SHANK2: variants seen among roughly 807,000 people sequenced by gnomAD.
The protein encoded by SHANK2 is SH3 and multiple ankyrin repeat domains protein 2.
Under a neutral mutation model 133.7 loss-of-function variants are expected in SHANK2, and 43 were observed. The ratio of observed to expected loss-of-function variants is 0.32; its 90% CI spans 0.25 to 0.41. The LOEUF (loss-of-function observed/expected upper bound fraction) is 0.41, where lower values mean the gene tolerates loss of function less well. SHANK2 is among the 10% of genes least tolerant of loss of function. The probability of loss-of-function intolerance (pLI) is 1.00; values close to 1 mark genes in which losing one functional copy is unlikely to be tolerated. For synonymous variants in SHANK2, 1,017 were observed against 952.8 expected, an observed-to-expected ratio of 1.07 and a Z score of -1.24; for missense variants, 1,994 against 2,235.8, an observed-to-expected ratio of 0.89 and a Z score of 2.18.
intron 17 of SHANK2, among the ~76,000 whole-genome samples, chr11:70,643,299 C>A (rs183576259): frequency 6.6e-6 from 1 of 152,098 alleles, no homozygotes; most frequent in African/African-American, 2.4e-5. Flanking sequence ...TGCGGTGGCT[C>A]ACACCTGTAA....
At chr11:71,165,222 G>A (rs1181000044) in intron 2 of SHANK2, among the ~76,000 whole-genome samples, 1 of 151,810 alleles carries the variant, frequency 6.6e-6, no homozygotes, top group African/African-American at 2.4e-5. Context: ...TAGTAGAGAC[G>A]GGGGTCTCAC....
intron 8 of SHANK2, among the ~76,000 whole-genome samples, chr11:71,079,381 C>T (rs1024884137): frequency 1.4e-4 from 21 of 152,176 alleles, no homozygotes; most frequent in African/African-American, 2.7e-4. Context: ...GTGCTCTCCG[C>T]GTGGAGGGCA....
At chr11:70,715,148 G>A (rs1945881926) in intron 14 of SHANK2, among the ~76,000 whole-genome samples, 1 of 152,154 alleles carries the variant, frequency 6.6e-6, no homozygotes, top group African/African-American at 2.4e-5. Context: ...GAGGTGAGTG[G>A]TGCCCTGTAG....
Position 70,500,581 on chromosome 11 carries a change from C to T in SHANK2, c.2297G>A (p.Arg766Gln), listed in dbSNP as rs200084791. The change falls in exon 21 of 26, where the codon CGG becomes CAG. Residue 766 changes from arginine to glutamine, a missense_variant. Arg to Gln is a conservative substitution (Grantham distance 43). Around this residue, in one of 5 missense-constraint regions of SHANK2, gnomAD observed 488 missense variants for 642.6 expected, o/e 0.76. Transcript: ENST00000601538. This position sits in a 1 kb window ranked among gnomAD's most constrained non-coding sequence, Gnocchi z 4.5. ...TGGGCCTCCCTTACCCTTCTTCTTC[C>T]GGACCGAGGCTTGCAAACAGAAAGG... ...LEELVDKASV[R>Q]KKKDKPEEIV... 2.9e-5 allele frequency: 46 copies of T among 1,603,382 alleles called. No individual in the cohort carries two copies. The highest frequency in any genetic ancestry group is 1.3e-4 in the African/African-American group (10 of 74,896).
Position 70,900,605 on chromosome 11 carries a change from T to C in SHANK2, c.1108-4038A>G, listed in dbSNP as rs148606835. On this transcript the variant is annotated intron_variant, in intron 10 of 25. Transcript: ENST00000601538. ...CTTCCAAAGAAAAGCCCTAGGAGCT[T>C]AAGCCCAGGCACCTCCCTGCTGGTC... 7.6e-3 allele frequency among the ~76,000 whole-genome samples: 1,151 copies of C among 152,230 alleles called. 6 individuals carry two copies. The highest frequency in any genetic ancestry group is 0.012 in the Non-Finnish European group (832 of 68,014).
chr11:70,711,097 C>T (rs1320249209), intron 14 of SHANK2, among the ~76,000 whole-genome samples: 1 of 152,210 alleles, frequency 6.6e-6, no homozygotes, highest in Non-Finnish European at 1.5e-5. Context: ...TCTGAACTCT[C>T]ACTCTTCACT....
At chr11:71,096,126 T>C (rs146506174) in intron 6 of SHANK2, among the ~76,000 whole-genome samples, 1,548 of 152,232 alleles carry the variant, frequency 0.01, 55 homozygotes, top group Non-Finnish European at 7.0e-3. Flanking sequence ...CCTGTCTCCA[T>C]GTGAAAAGCA....
At chr11:71,150,677 A>C (rs1952779294) in intron 2 of SHANK2, among the ~76,000 whole-genome samples, 1 of 151,986 alleles carries the variant, frequency 6.6e-6, no homozygotes, top group Non-Finnish European at 1.5e-5. Flanking sequence ...CTTTGTAAGA[A>C]AGGCGCCATG....
chr11:70,848,361 C>T (rs1402752853), intron 11 of SHANK2, among the ~76,000 whole-genome samples: 2 of 152,184 alleles, frequency 1.3e-5, no homozygotes, highest in East Asian at 3.9e-4. Flanking sequence ...AATGTCAGGG[C>T]CTGGCGGGGG....
chr11:71,116,820 G>A (rs1301181305), intron 4 of SHANK2, among the ~76,000 whole-genome samples: 2 of 152,068 alleles, frequency 1.3e-5, no homozygotes, highest in African/African-American at 2.4e-5. Context: ...TTAGTTCACG[G>A]GGGAGCCAGG....
chr11:70,605,947 T>A (rs4980625), intron 17 of SHANK2, among the ~76,000 whole-genome samples: 2 of 151,638 alleles, frequency 1.3e-5, no homozygotes, highest in African/African-American at 4.9e-5. Context: ...CAACCTATTA[T>A]TCCCCCCCCT....
At chr11:70,924,767 T>C (rs1288230634) in intron 10 of SHANK2, among the ~76,000 whole-genome samples, 3 of 152,218 alleles carry the variant, frequency 2.0e-5, no homozygotes, top group Non-Finnish European at 2.9e-5. Context: ...CCTTGCCTGA[T>C]ACTTGATAAG....
intron 17 of SHANK2, among the ~76,000 whole-genome samples, chr11:70,641,362 G>A (rs1208155775): frequency 6.6e-6 from 1 of 152,120 alleles, no homozygotes; most frequent in Non-Finnish European, 1.5e-5. Flanking sequence ...CAAAGTGCTG[G>A]GATTACAGGC....
chr11:71,095,414 A>G (rs1417698974), intron 6 of SHANK2, among the ~76,000 whole-genome samples: 1 of 152,182 alleles, frequency 6.6e-6, no homozygotes, highest in Non-Finnish European at 1.5e-5. Flanking sequence ...TATGCCCACC[A>G]TGGCCACTGC....
In SHANK2 at chr11:71,147,335, G is replaced by A; in HGVS notation, c.-9C>T. 3 of 1,544,102 alleles carry A rather than the reference G, an allele frequency of 1.9e-6. No homozygotes were observed. The highest frequency in any genetic ancestry group is 2.5e-5 in the East Asian group (1 of 40,706). On this transcript the variant is annotated 5_prime_UTR_variant, in exon 3 of 26. Transcript: ENST00000601538. ...GTTGGGCTGCGCGGCATGGCTGCCT[G>A]TGTCTTCGAGGTGGGGAGAAGGAAG...
chr11:71,224,430 T>C (rs954537813), intron 2 of SHANK2, among the ~76,000 whole-genome samples: 22 of 152,178 alleles, frequency 1.4e-4, no homozygotes, highest in African/African-American at 5.1e-4. Context: ...GGGTCTAGCC[T>C]GGGCACACTG....
chr11:70,895,842 A>G (rs577487712), intron 11 of SHANK2, among the ~76,000 whole-genome samples: 384 of 152,056 alleles, frequency 2.5e-3, no homozygotes, highest in Admixed American at 6.5e-3. Flanking sequence ...TTAGATTTTT[A>G]AAAAAGATGT....
chr11:71,111,944 C>G (rs1555099343), intron 5 of SHANK2, among the ~76,000 whole-genome samples: 1 of 152,046 alleles, frequency 6.6e-6, no homozygotes, highest in Non-Finnish European at 1.5e-5. Context: ...TCGGAAGAGC[C>G]CAGAGCATCT....
intron 3 of SHANK2, among the ~76,000 whole-genome samples, chr11:71,123,198 C>T (rs1952111993): frequency 6.6e-6 from 1 of 152,140 alleles, no homozygotes; most frequent in African/African-American, 2.4e-5. Flanking sequence ...TCAGGCAAAC[C>T]CCAGGTCCAA....
Sources: allele counts gnomAD v4.1 joint callset (sites outside exome capture counted in the v4.1 genomes callset), GRCh38; gene constraint gnomAD v4.1.1; regional missense constraint gnomAD v4.1.1; non-coding constraint Gnocchi (gnomAD v3.1); transcripts MANE v1.5; gene names NCBI Gene and HGNC (gene_info 2026-07-23, HGNC 2026-07-21).